Variants in TMC2 observed in about 807,000 individuals in gnomAD.
TMC2 encodes transmembrane channel like 2, also known as transmembrane channel-like protein 2.
TMC2 carries 102 observed loss-of-function variants against 105.9 expected under a neutral mutation model. The observed-to-expected ratio is 0.96, with a 90% CI of 0.82 to 1.14. The LOEUF (loss-of-function observed/expected upper bound fraction) is 1.14. TMC2 is among the 50% of genes most tolerant of loss of function. The pLI, the probability that TMC2 is intolerant of heterozygous loss-of-function variation, is 0.00. For missense variants in TMC2, 1,093 were observed against 1,134.3 expected, an observed-to-expected ratio of 0.96 and a Z score of 0.52; for synonymous variants, 402 against 422.8, an observed-to-expected ratio of 0.95 and a Z score of 0.60.
intron 3 of TMC2, among the ~76,000 whole-genome samples, chr20:2,559,041 G>C (rs1391758874): frequency 1.3e-5 from 2 of 152,022 alleles, no homozygotes; most frequent in African/African-American, 2.4e-5. Flanking sequence ...CCGGTGAGGC[G>C]GGGCGCGGGT....
intron 18 of TMC2, among the ~76,000 whole-genome samples, chr20:2,636,903 G>A (rs1442711031): frequency 6.6e-6 from 1 of 152,148 alleles, no homozygotes; most frequent in East Asian, 1.9e-4. Flanking sequence ...GAGCCACCGT[G>A]CCCAGCCCCT....
intron 11 of TMC2, among the ~76,000 whole-genome samples, chr20:2,603,873 C>T (rs1278736570): frequency 3.3e-5 from 5 of 151,876 alleles, no homozygotes; most frequent in Admixed American, 3.3e-4. Flanking sequence ...TAATTAGGTT[C>T]CTGCAGCCTT....
chr20:2,624,415 A>C lies in TMC2; in HGVS notation c.2306+19A>C, dbSNP rs41274452. The C allele has an allele frequency of 0.026, 42,242 of 1,606,310 alleles. 652 individuals carry two copies. Among genetic ancestry groups the C allele is most frequent in the Middle Eastern group, 0.038 (229 of 6,016 alleles). On this transcript the variant is annotated intron_variant, in intron 17 of 19. Coordinates refer to ENST00000358864, the MANE Select transcript of TMC2 (RefSeq NM_080751.3). ...TGATGTTGTAAGTTAGCCAGGACCC[A>C]TGGCTCCACCCCACGGAAACTTCTC...
chr20:2,546,616 G>A (rs1322140957), intron 2 of TMC2, among the ~76,000 whole-genome samples: 1 of 152,096 alleles, frequency 6.6e-6, no homozygotes, highest in East Asian at 1.9e-4. Flanking sequence ...GATGGTGTAT[G>A]TCTCTTGAGT....
Position 2,641,377 on chromosome 20 carries a change from C to G in TMC2, c.*26C>G. On this transcript the variant is annotated 3_prime_UTR_variant, in exon 20 of 20. Transcript: ENST00000358864. ...TGGCTAGGACTCCAGGGAGCCTCGA[C>G]CCTAGGGCTGATCCTCAAGTACCCC... is the stretch of plus-strand genomic sequence containing the variant. 1 of 1,511,888 alleles carries G rather than the reference C, an allele frequency of 6.6e-7. No homozygotes were observed. Among genetic ancestry groups the G allele is most frequent in the Non-Finnish European group, 9.1e-7 (1 of 1,093,922 alleles). The allele number at this position is 1,511,888 out of a possible 1,614,324, so 93.7% of individuals were successfully genotyped here.
At chr20:2,613,172 C>G in intron 13 of TMC2, 22 bp from the exon 14 acceptor site, 3 of 1,606,330 alleles carry the variant, frequency 1.9e-6, no homozygotes, top group Admixed American at 1.7e-5. Flanking sequence ...CAACCACCCC[C>G]TCTTCCTGTG....
At chr20:2,536,794 G>A (rs2085852402) in intron 1 of TMC2, 139 bp downstream of exon 1, 1 of 860,146 alleles carries the variant, frequency 1.2e-6, no homozygotes, top group Non-Finnish European at 1.9e-6. Context: ...TGTGCGCTGA[G>A]CGACCTCGGC....
chr20:2,637,111 G>A (rs565429758), intron 18 of TMC2, among the ~76,000 whole-genome samples: 2 of 152,104 alleles, frequency 1.3e-5, no homozygotes, highest in South Asian at 2.1e-4. Flanking sequence ...AAAACAGGCC[G>A]GGCATGGTGG....
chr20:2,562,244 C>T lies in TMC2; in HGVS notation c.554+234C>T, dbSNP rs145257682. ...GGAGGACTCCCGACCTGTGCCCATG[C>T]CTTCCCTTGCCTGGCTGCCCCTTTT... On this transcript the variant is annotated intron_variant, in intron 4 of 19. Transcript: ENST00000358864. Among the ~76,000 whole-genome samples, 615 of 152,378 alleles carry T rather than the reference C, an allele frequency of 4.0e-3. 2 individuals are homozygous for T. Among genetic ancestry groups the T allele is most frequent in the African/African-American group, 0.013 (557 of 41,602 alleles).
At chr20:2,545,776 G>A (rs1029051484) in intron 2 of TMC2, among the ~76,000 whole-genome samples, 9 of 144,242 alleles carry the variant, frequency 6.2e-5, no homozygotes, top group Non-Finnish European at 1.2e-4. Flanking sequence ...AGAAGAAGAT[G>A]AAGAAGAAGA....
chr20:2,606,884 C>CTTTCTTT (rs2086396500), intron 11 of TMC2, among the ~76,000 whole-genome samples: 1 of 88,258 alleles, frequency 1.1e-5, no homozygotes, highest in African/African-American at 6.0e-5. Flanking sequence ...CCCTTAATTT[C>CTTTCTTT]TTTTTTCTTT....
At chr20:2,555,137 A>G (rs957150785) in intron 2 of TMC2, among the ~76,000 whole-genome samples, 1 of 151,932 alleles carries the variant, frequency 6.6e-6, no homozygotes, top group Non-Finnish European at 1.5e-5. Flanking sequence ...CTGGAGTGCA[A>G]TGGTGCCATC....
intron 10 of TMC2, among the ~76,000 whole-genome samples, chr20:2,599,205 T>C (rs1376870583): frequency 6.6e-6 from 1 of 150,962 alleles, no homozygotes; most frequent in African/African-American, 2.4e-5. Context: ...AAGACAGAAG[T>C]TGCGGAGAGC....
chr20:2,579,132 G>C lies in TMC2; in HGVS notation c.646-14G>C, dbSNP rs6083735. 0.69 allele frequency: 993,371 copies of C among 1,450,072 alleles called. 342,628 individuals are homozygous for C. Among genetic ancestry groups the C allele is most frequent in the African/African-American group, 0.78 (56,053 of 71,640 alleles). The allele number at this position is 1,450,072 out of a possible 1,614,324, so 89.8% of individuals were successfully genotyped here. A position where few individuals can be genotyped will look rare whatever the true frequency, so the allele number is the denominator to read the frequency against. On this transcript the variant is annotated splice_polypyrimidine_tract_variant and intron_variant, in intron 5 of 19. Coordinates refer to ENST00000358864, the MANE Select transcript of TMC2 (RefSeq NM_080751.3). ...CATGTTAAGGAACTGAGAGTTTTAC[G>C]TCTTTTATTTCAGAAATGGGTCAAA... is the stretch of plus-strand genomic sequence containing the variant.
chr20:2,616,438 G>A lies in TMC2; in HGVS notation c.1940+234G>A, dbSNP rs2086482634. Among the ~76,000 whole-genome samples the A allele has an allele frequency of 6.9e-6, 1 of 145,396 alleles. No homozygotes were observed. The highest frequency in any genetic ancestry group is 2.8e-5 in the African/African-American group (1 of 35,548). On this transcript the variant is annotated intron_variant, in intron 15 of 19. Coordinates refer to ENST00000358864, the MANE Select transcript of TMC2 (RefSeq NM_080751.3). This position sits in a 1 kb window ranked among gnomAD's most constrained non-coding sequence, Gnocchi z 4.8. ...GAAAGGGAGAGGGGTTGGTGGAGGA[G>A]AAAAGGAAAAGGAAGGAAGGCAGGA...
rs986611999 is a variant in TMC2, at chr20:2,558,795, T to C, written c.401+21T>C. 2.6e-6 allele frequency: 4 copies of C among 1,512,878 alleles called. No individual in the cohort carries two copies. Among genetic ancestry groups the C allele is most frequent in the Non-Finnish European group, 3.5e-6 (4 of 1,132,102 alleles). The allele number at this position is 1,512,878 out of a possible 1,614,324, so 93.7% of individuals were successfully genotyped here. A position where few individuals can be genotyped will look rare whatever the true frequency, so the allele number is the denominator to read the frequency against. On this transcript the variant is annotated intron_variant, in intron 3 of 19. Coordinates refer to ENST00000358864, the MANE Select transcript of TMC2 (RefSeq NM_080751.3). This position sits in a 1 kb window ranked among gnomAD's most constrained non-coding sequence, Gnocchi z 4.6. ...CCCAGGTGTGTTGTGGCTCCGATTC[T>C]GGGCATTCGCTCCGCGCGCTCCCGC...
intron 11 of TMC2, among the ~76,000 whole-genome samples, chr20:2,605,215 T>G (rs1252839948): frequency 1.3e-5 from 2 of 152,160 alleles, no homozygotes; most frequent in Non-Finnish European, 2.9e-5. Flanking sequence ...GTGTCAGAAG[T>G]GTCAAATGTG....
intron 17 of TMC2, among the ~76,000 whole-genome samples, chr20:2,632,281 TTTA>T (rs1197265541): frequency 6.6e-6 from 1 of 152,112 alleles, no homozygotes; most frequent in Non-Finnish European, 1.5e-5. Context: ...CTCCAGAAAA[TTTA>T]TTATTTCAGT....
chr20:2,576,628 T>C (rs924769974), intron 5 of TMC2, among the ~76,000 whole-genome samples: 2 of 152,226 alleles, frequency 1.3e-5, no homozygotes, highest in Non-Finnish European at 2.9e-5. Flanking sequence ...GACTGCTACA[T>C]GAAACCAGAT....
Sources: gnomAD v4.1 joint callset for allele counts (sites outside exome capture counted in the v4.1 genomes callset) on GRCh38, gnomAD v4.1.1 for gene constraint, Gnocchi (gnomAD v3.1) non-coding constraint, MANE v1.5 for transcripts, NCBI Gene and HGNC (gene_info 2026-07-23, HGNC 2026-07-21) for gene names.